The following DOCK5 variants were observed in gnomAD, a reference collection of about 807,000 sequenced individuals.
DOCK5 encodes dedicator of cytokinesis 5.
A neutral mutation model predicts 251.8 loss-of-function variants in DOCK5; 142 were observed. The observed-to-expected ratio is 0.56, with a 90% CI of 0.49 to 0.65. The LOEUF is 0.65. DOCK5 is among the 30% of genes least tolerant of loss of function. DOCK5 has a pLI of 0.00. For missense variants in DOCK5, 2,111 were observed against 2,312.3 expected (o/e 0.91, Z 1.79); for synonymous variants, 842 against 835.5 (o/e 1.01, Z -0.13).
chr8:25,341,911 A>T, intron 24 of DOCK5, 102 bp downstream of exon 24: 3 of 920,992 alleles, frequency 3.3e-6, no homozygotes, highest in Non-Finnish European at 3.3e-6. Context: ...TTTTCTAAGA[A>T]GTATTAACTG....
chr8:25,365,382 T>A (rs1046232174), intron 30 of DOCK5, among the ~76,000 whole-genome samples: 2 of 152,230 alleles, frequency 1.3e-5, no homozygotes, highest in Admixed American at 6.5e-5. Flanking sequence ...GGAACTGTTA[T>A]CAGTGGAGGT....
chr8:25,350,269 G>C (rs774700718), intron 26 of DOCK5, among the ~76,000 whole-genome samples: 45 of 152,328 alleles, frequency 3.0e-4, no homozygotes, highest in Non-Finnish European at 5.3e-4. Context: ...CAATGATTTA[G>C]TTATTTGAAG....
chr8:25,196,087 C>A (rs1338958952), intron 1 of DOCK5, among the ~76,000 whole-genome samples: 2 of 152,198 alleles, frequency 1.3e-5, no homozygotes, highest in Non-Finnish European at 2.9e-5. Context: ...TAATAAACTG[C>A]ATAAGCAAAA....
chr8:25,405,828 A>G (rs1372090324), intron 48 of DOCK5, among the ~76,000 whole-genome samples: 1 of 152,214 alleles, frequency 6.6e-6, no homozygotes, highest in Non-Finnish European at 1.5e-5. Flanking sequence ...CTAGCAATAT[A>G]TTTAAATAAT....
At chr8:25,344,871 C>T (rs4133247) in intron 25 of DOCK5, among the ~76,000 whole-genome samples, 12,360 of 152,130 alleles carry the variant, frequency 0.081, 603 homozygotes, top group East Asian at 0.18. Context: ...AGTGTGATCA[C>T]GGTTAACAGT....
chr8:25,306,707 TAAATA>T (rs1356656602), intron 11 of DOCK5, among the ~76,000 whole-genome samples: 4 of 151,398 alleles, frequency 2.6e-5, no homozygotes, highest in Admixed American at 6.6e-5. Flanking sequence ...AAAAAATAAA[TAAATA>T]AAATAAAATA....
chr8:25,307,096 A>G (rs1804961896), intron 11 of DOCK5, among the ~76,000 whole-genome samples: 1 of 152,148 alleles, frequency 6.6e-6, no homozygotes, highest in Non-Finnish European at 1.5e-5. Context: ...ACTAGGCAAT[A>G]GAAATGTTTC....
chr8:25,196,561 C>G (rs1428528324), intron 1 of DOCK5, among the ~76,000 whole-genome samples: 1 of 152,212 alleles, frequency 6.6e-6, no homozygotes, highest in Non-Finnish European at 1.5e-5. Flanking sequence ...ATTAGTCTGT[C>G]TAAATTTTTC....
intron 1 of DOCK5, among the ~76,000 whole-genome samples, chr8:25,207,141 T>C (rs1478177912): frequency 1.3e-5 from 2 of 152,176 alleles, no homozygotes; most frequent in Non-Finnish European, 2.9e-5. Context: ...TCCTTCTATA[T>C]AGCACATCAC....
rs760250548 is a variant in DOCK5 at position 25,401,041 on chromosome 8, A to G, written c.4901A>G (p.Glu1634Gly). The G allele has an allele frequency of 3.7e-6, 6 of 1,613,928 alleles. No homozygotes were observed. The East Asian group carries it at 8.9e-5, about 24-fold the overall frequency. ...TTCCGGGAACTCAAGGAGAAAGTAG[A>G]AAAGCACTATGGGGTTATAACACTG... is the stretch of plus-strand genomic sequence containing the variant. ...SCFRELKEKVEKHYGVITLPP... is the reference protein window; with the variant it reads ...SCFRELKEKVGKHYGVITLPP... The change falls in exon 47 of 52, where the codon GAA (glutamate) becomes GGA (glycine). Residue 1634 changes from glutamate to glycine, a missense_variant. Physicochemically the swap from Glu to Gly is moderately conservative, Grantham distance 98 (BLOSUM62 -2). Coordinates refer to ENST00000276440, the MANE Select transcript of DOCK5 (RefSeq NM_024940.8).
intron 11 of DOCK5, among the ~76,000 whole-genome samples, chr8:25,306,625 T>C (rs568863905): frequency 0.023 from 3,534 of 151,498 alleles, 125 homozygotes; most frequent in African/African-American, 0.082. Flanking sequence ...ACCTGGAAGG[T>C]GGAGCTTGCA....
chr8:25,392,722 T>C (rs961103972), intron 43 of DOCK5, 74 bp from the exon 44 acceptor site: 6 of 1,319,144 alleles, frequency 4.5e-6, no homozygotes, highest in African/African-American at 4.4e-5. Flanking sequence ...CTGTTTTCCC[T>C]GGGAATTGAC....
intron 47 of DOCK5, among the ~76,000 whole-genome samples, chr8:25,402,037 G>A (rs1801447808): frequency 6.6e-6 from 1 of 152,160 alleles, no homozygotes; most frequent in African/African-American, 2.4e-5. Context: ...TCTCTCCAGT[G>A]AGTGATGGTG....
At chr8:25,193,350 C>T (rs535639874) in intron 1 of DOCK5, among the ~76,000 whole-genome samples, 5 of 150,190 alleles carry the variant, frequency 3.3e-5, no homozygotes, top group Admixed American at 6.6e-5. Context: ...ACTTATCTAA[C>T]GTGTATTTTT....
At position 25,371,489 on chromosome 8, in the gene DOCK5, T is replaced by A. The variant is rs556939434; in HGVS notation, c.3525-1070T>A. ...CTCAAAAAAATAAAAATAAAAAAAA[T>A]AATTGAATTGATGAATAGTCTGTAT... On this transcript the variant is annotated intron_variant, in intron 34 of 51. Coordinates refer to ENST00000276440, the MANE Select transcript of DOCK5 (RefSeq NM_024940.8). 2.0e-5 allele frequency among the ~76,000 whole-genome samples: 3 copies of A among 152,248 alleles called. No individual in the cohort carries two copies. In the East Asian group the frequency reaches 5.8e-4, roughly 29 times the overall value.
chr8:25,236,929 T>C (rs1324355452), intron 1 of DOCK5, among the ~76,000 whole-genome samples: 2 of 152,166 alleles, frequency 1.3e-5, no homozygotes, highest in African/African-American at 4.8e-5. Flanking sequence ...ATGAATGATA[T>C]ATGTCTCCAA....
At chr8:25,345,961 T>C (rs1022612094) in intron 26 of DOCK5, among the ~76,000 whole-genome samples, 3 of 152,160 alleles carry the variant, frequency 2.0e-5, no homozygotes, top group African/African-American at 7.2e-5. Flanking sequence ...GCCATTCTCC[T>C]GTCCCAGCCT....
chr8:25,380,415 G>A (rs750641109), intron 39 of DOCK5, 21 bp downstream of exon 39: 2 of 1,584,154 alleles, frequency 1.3e-6, no homozygotes, highest in Admixed American at 1.7e-5. Flanking sequence ...GTCAAAATAT[G>A]TTAGGCCTCT....
chr8:25,286,624 AG>A (rs141485528), intron 5 of DOCK5, among the ~76,000 whole-genome samples: 4,342 of 152,088 alleles, frequency 0.029, 202 homozygotes, highest in African/African-American at 0.096. Context: ...GACCAGAGAA[AG>A]GGTTTTTGAC....
Sources: gnomAD v4.1 joint callset for allele counts (sites outside exome capture counted in the v4.1 genomes callset) on GRCh38, gnomAD v4.1.1 for gene constraint, MANE v1.5 for transcripts, NCBI Gene and HGNC (gene_info 2026-07-23, HGNC 2026-07-21) for gene names.